The following MEGF6 variants were observed in gnomAD, a reference collection of about 807,000 sequenced individuals.
The protein encoded by MEGF6 is multiple epidermal growth factor-like domains protein 6.
MEGF6 carries 184 observed loss-of-function variants against 207.1 expected under a neutral mutation model. The observed-to-expected ratio is 0.89, with a 90% CI of 0.79 to 1.00. The LOEUF (loss-of-function observed/expected upper bound fraction) is 1.00. Among genes scored for constraint, MEGF6 ranks in the 50% least tolerant of loss-of-function variants. The pLI, the probability that MEGF6 is intolerant of heterozygous loss-of-function variation, is 0.00. For synonymous variants in MEGF6, 1,038 were observed against 910.0 expected (o/e 1.14, Z -2.53); for missense variants, 2,282 against 2,202.9 (o/e 1.04, Z -0.72).
upstream of MEGF6, among the ~76,000 whole-genome samples, chr1:3,613,187 A>G (rs1043369006): frequency 3.3e-5 from 5 of 151,976 alleles, no homozygotes; most frequent in African/African-American, 9.7e-5. Context: ...GGGGTTCTCA[A>G]TTCTGCCTCT....
intron 4 of MEGF6, among the ~76,000 whole-genome samples, chr1:3,525,342 T>C (rs1358776033): frequency 6.6e-6 from 1 of 151,616 alleles, no homozygotes; most frequent in African/African-American, 2.4e-5. Context: ...TAGAGGGGAG[T>C]AGGAGAGCAG....
rs1445948033 is a variant in MEGF6, at chr1:3,560,673, A to T, written c.481+19152T>A. On this transcript the variant is annotated intron_variant, in intron 4 of 36. Coordinates refer to ENST00000356575, the MANE Select transcript of MEGF6 (RefSeq NM_001409.4). The surrounding 1 kb of genome is among the most constrained non-coding windows in gnomAD (Gnocchi z 4.0). ...CCAGGCTTGGGGGAGGCTGGGTGCC[A>T]TCAACCCCTCCCCATCTGTGGTTTC... is the stretch of plus-strand genomic sequence containing the variant. 2.2e-6 allele frequency: 1 copy of T among 450,604 alleles called. No individual in the cohort carries two copies. Among genetic ancestry groups the T allele is most frequent in the East Asian group, 7.8e-5 (1 of 12,838 alleles). 27.9% of individuals were successfully genotyped at this position (450,604 alleles called of 1,614,324 possible).
intron 4 of MEGF6, among the ~76,000 whole-genome samples, chr1:3,548,795 G>A (rs1642796273): frequency 6.6e-6 from 1 of 152,294 alleles, no homozygotes; most frequent in Admixed American, 6.5e-5. Flanking sequence ...CAGCACCGGG[G>A]CAGCCTCACA....
At chr1:3,523,972 T>C (rs1042383856) in intron 5 of MEGF6, 152 bp downstream of exon 5, 6 of 893,096 alleles carry the variant, frequency 6.7e-6, no homozygotes, top group South Asian at 3.7e-5. Flanking sequence ...CAGGATTCCA[T>C]AGAGCCATGC....
At chr1:3,494,827 C>T in intron 30 of MEGF6, 86 bp from the exon 31 acceptor site, 1 of 1,451,972 alleles carries the variant, frequency 6.9e-7, no homozygotes, top group Non-Finnish European at 9.1e-7. Flanking sequence ...CTGACAGTCA[C>T]TCGGTAAATG....
intron 2 of MEGF6, among the ~76,000 whole-genome samples, chr1:3,601,280 G>A (rs1644153114): frequency 6.6e-6 from 1 of 152,258 alleles, no homozygotes; most frequent in African/African-American, 2.4e-5. Flanking sequence ...CGAGCTGTTG[G>A]CGGGAGACCT....
rs1195627784 is a variant in MEGF6 at position 3,490,325 on chromosome 1, G to A, written c.*203C>T. On this transcript the variant is annotated 3_prime_UTR_variant, in exon 37 of 37. Coordinates refer to ENST00000356575, the MANE Select transcript of MEGF6 (RefSeq NM_001409.4). ...GGCCAGGAGGCGCCTCTCTTCCAGC[G>A]GCCATGCGAGGCTTCCCTCCTCAAG... 20 of 593,412 alleles carry A rather than the reference G, an allele frequency of 3.4e-5. No individual in the cohort carries two copies. Among genetic ancestry groups the A allele is most frequent in the Non-Finnish European group, 4.6e-5 (16 of 344,538 alleles). 36.8% of individuals were successfully genotyped at this position (593,412 alleles called of 1,614,324 possible).
At chr1:3,490,871 A>G in intron 36 of MEGF6, 41 bp downstream of exon 36, 1 of 1,555,352 alleles carries the variant, frequency 6.4e-7, no homozygotes. Context: ...GCCATAACCC[A>G]CCCTCCTGGC....
In MEGF6 at chr1:3,556,640, A is replaced by C. The variant is rs1043242094; in HGVS notation, c.481+23185T>G. ...CTGAGGCCGGGACACACTGGAGACG[A>C]ATAGGACTGACCACCAAGCAGACTG... On this transcript the variant is annotated intron_variant, in intron 4 of 36. Coordinates refer to ENST00000356575, the MANE Select transcript of MEGF6 (RefSeq NM_001409.4). The surrounding 1 kb of genome is among the most constrained non-coding windows in gnomAD (Gnocchi z 4.4). Among the ~76,000 whole-genome samples the C allele has an allele frequency of 1.3e-5, 2 of 152,114 alleles. No homozygotes were observed. Among genetic ancestry groups the C allele is most frequent in the African/African-American group, 2.4e-5 (1 of 41,432 alleles).
At chr1:3,558,787 G>T (rs931575455) in intron 4 of MEGF6, among the ~76,000 whole-genome samples, 4 of 152,332 alleles carry the variant, frequency 2.6e-5, no homozygotes, top group Middle Eastern at 3.4e-3. Flanking sequence ...TGGTCTAAGT[G>T]CTGGTTCTTG....
At chr1:3,523,366 G>C (rs531917952) in intron 5 of MEGF6, among the ~76,000 whole-genome samples, 10 of 152,138 alleles carry the variant, frequency 6.6e-5, no homozygotes, top group Non-Finnish European at 1.2e-4. Context: ...AGATTCCTGG[G>C]CTCCAGCCCC....
intron 7 of MEGF6, among the ~76,000 whole-genome samples, chr1:3,513,014 G>T (rs1317950467): frequency 1.3e-5 from 2 of 152,124 alleles, no homozygotes; most frequent in Non-Finnish European, 2.9e-5. Context: ...AGGATGGTGT[G>T]GTGTGGCAGA....
chr1:3,594,628 T>C lies in MEGF6; in HGVS notation c.376+710A>G, dbSNP rs956876208. Among the ~76,000 whole-genome samples the C allele has an allele frequency of 1.3e-5, 2 of 151,838 alleles. No individual in the cohort carries two copies. The highest frequency in any genetic ancestry group is 1.3e-4 in the Admixed American group (2 of 15,256). ...GACACTGACCCCTTTGCCCAGGCGG[T>C]TTCACTGGCGGGGCTTCTGTCCCCA... On this transcript the variant is annotated intron_variant, in intron 3 of 36. Coordinates refer to ENST00000356575, the MANE Select transcript of MEGF6 (RefSeq NM_001409.4). The surrounding 1 kb of genome is among the most constrained non-coding windows in gnomAD (Gnocchi z 4.2).
At chr1:3,507,336 A>G (rs1224531754) in intron 14 of MEGF6, among the ~76,000 whole-genome samples, 1 of 152,208 alleles carries the variant, frequency 6.6e-6, no homozygotes, top group African/African-American at 2.4e-5. Flanking sequence ...TTTCTGGACT[A>G]ATTCCTCCAG....
At chr1:3,497,897 G>A (rs540654468) in intron 26 of MEGF6, among the ~76,000 whole-genome samples, 5 of 152,296 alleles carry the variant, frequency 3.3e-5, no homozygotes, top group Admixed American at 2.6e-4. Flanking sequence ...GGGAGGCCGG[G>A]GCTTTGAGGA....
rs145448198 is a variant in MEGF6 at position 3,582,480 on chromosome 1, C to T, written c.377-2551G>A. 3.1e-3 allele frequency among the ~76,000 whole-genome samples: 471 copies of T among 152,312 alleles called. 2 individuals are homozygous for T. The highest frequency in any genetic ancestry group is 8.7e-3 in the African/African-American group (361 of 41,566). On this transcript the variant is annotated intron_variant, in intron 3 of 36. Transcript: ENST00000356575. Reference sequence around the variant, plus strand: ...GTCTCCTCCATGACACCAAGGCCACCGTCATCCCCTGCCCTCTGCAGACGC... The same window carrying T: ...GTCTCCTCCATGACACCAAGGCCACTGTCATCCCCTGCCCTCTGCAGACGC...
At chr1:3,553,455 G>A (rs1368301626) in intron 4 of MEGF6, among the ~76,000 whole-genome samples, 1 of 152,132 alleles carries the variant, frequency 6.6e-6, no homozygotes, top group Non-Finnish European at 1.5e-5. Flanking sequence ...AGGAGGGGGA[G>A]CCTCACCATG....
chr1:3,607,303 C>T lies in MEGF6; in HGVS notation c.131+3835G>A, dbSNP rs141204166. On this transcript the variant is annotated intron_variant, in intron 1 of 36. Transcript: ENST00000356575. ...TCTCCCGGCCCCTGCCCGCCTGGTG[C>T]GCCCTATGTCTCCCCAATAACTCCT... 2.2e-3 allele frequency among the ~76,000 whole-genome samples: 329 copies of T among 152,218 alleles called. 3 individuals are homozygous for T. The highest frequency in any genetic ancestry group is 2.0e-3 in the Non-Finnish European group (138 of 68,000).
intron 14 of MEGF6, among the ~76,000 whole-genome samples, chr1:3,507,477 C>G (rs1026366371): frequency 2.0e-5 from 3 of 152,184 alleles, no homozygotes; most frequent in Non-Finnish European, 4.4e-5. Context: ...GGAACAGGGA[C>G]CTCACTGCCT....
Sources: gnomAD v4.1 joint callset for allele counts (sites outside exome capture counted in the v4.1 genomes callset) on GRCh38, gnomAD v4.1.1 for gene constraint, Gnocchi (gnomAD v3.1) non-coding constraint, MANE v1.5 for transcripts, NCBI Gene and HGNC (gene_info 2026-07-23, HGNC 2026-07-21) for gene names.